CNTNAP2: variants seen among roughly 807,000 people sequenced by gnomAD.
The protein encoded by CNTNAP2 is contactin-associated protein-like 2.
In CNTNAP2, 98 loss-of-function variants were observed where a neutral mutation model predicts 155.2. The observed-to-expected ratio is 0.63, with a 90% CI of 0.54 to 0.75. The LOEUF is 0.75. Among genes scored for constraint, CNTNAP2 ranks in the 30% least tolerant of loss-of-function variants. The pLI is 0.00. For missense variants in CNTNAP2, 1,727 were observed against 1,688.1 expected (o/e 1.02, Z -0.40); for synonymous variants, 651 against 631.2 (o/e 1.03, Z -0.47).
intron 1 of CNTNAP2, among the ~76,000 whole-genome samples, chr7:146,335,823 A>G (rs1801264540): frequency 1.3e-5 from 2 of 152,134 alleles, no homozygotes; most frequent in Non-Finnish European, 2.9e-5. Flanking sequence ...TACTTATACA[A>G]TGTTATTTAG....
intron 18 of CNTNAP2, among the ~76,000 whole-genome samples, chr7:148,202,493 T>C (rs989743575): frequency 9.9e-5 from 15 of 152,228 alleles, no homozygotes; most frequent in African/African-American, 2.7e-4. Context: ...TTTGCAAGTA[T>C]TTTTAATTTA....
intron 11 of CNTNAP2, among the ~76,000 whole-genome samples, chr7:147,535,120 C>T (rs1030012752): frequency 7.9e-5 from 12 of 152,116 alleles, no homozygotes; most frequent in Admixed American, 2.0e-4. Context: ...AGGCCGGGCG[C>T]GGTGGTTCAT....
chr7:147,227,551 C>T (rs1803576454), intron 8 of CNTNAP2, among the ~76,000 whole-genome samples: 2 of 152,118 alleles, frequency 1.3e-5, no homozygotes, highest in Admixed American at 1.3e-4. Flanking sequence ...TGGTTGGACT[C>T]TGAATACGAC....
chr7:147,317,565 C>G (rs1012113471), intron 9 of CNTNAP2, among the ~76,000 whole-genome samples: 4 of 152,194 alleles, frequency 2.6e-5, no homozygotes, highest in African/African-American at 9.7e-5. Context: ...GTTCTTCAGC[C>G]TAAGATGACT....
In CNTNAP2 at chr7:147,311,537, G is replaced by C. The variant is rs182250230; in HGVS notation, c.1498+11247G>C. Among the ~76,000 whole-genome samples, 14 of 152,266 alleles carry C rather than the reference G, an allele frequency of 9.2e-5. No homozygotes were observed. The East Asian group carries it at 2.5e-3, about 27-fold the overall frequency. On this transcript the variant is annotated intron_variant, in intron 9 of 23. Coordinates refer to ENST00000361727, the MANE Select transcript of CNTNAP2 (RefSeq NM_014141.6). ...TGGCCTCAGCTGGTAAGCATCTGTG[G>C]ACCCTATTTAGAGCAGCCAACTCTG...
In CNTNAP2 at chr7:146,678,628, T is replaced by C. The variant is rs146549175; in HGVS notation, c.98-95643T>C. Among the ~76,000 whole-genome samples, 94 of 152,298 alleles carry C rather than the reference T, an allele frequency of 6.2e-4. 1 individual carries two copies. The East Asian group carries it at 0.017, about 28-fold the overall frequency. On this transcript the variant is annotated intron_variant, in intron 1 of 23. Transcript: ENST00000361727. ...TTTATATTAGTAAGTCACAAATTAA[T>C]GCTTATGGACTTTTCAAAAGTTTAT...
At chr7:147,008,383 T>C (rs997401046) in intron 3 of CNTNAP2, among the ~76,000 whole-genome samples, 1 of 152,124 alleles carries the variant, frequency 6.6e-6, no homozygotes, top group Non-Finnish European at 1.5e-5. Flanking sequence ...GTGATTCATT[T>C]TCAAAATTTA....
In CNTNAP2 at chr7:148,134,858, A is replaced by G. The variant is rs146380639; in HGVS notation, c.2555-12633A>G. On this transcript the variant is annotated intron_variant, in intron 16 of 23. Coordinates refer to ENST00000361727, the MANE Select transcript of CNTNAP2 (RefSeq NM_014141.6). Reference sequence around the variant, plus strand: ...AAAACAAAAATTCAGCTATAATCCCATATTCCAATATATTTAAATTATCAT... The same window carrying G: ...AAAACAAAAATTCAGCTATAATCCCGTATTCCAATATATTTAAATTATCAT... Among the ~76,000 whole-genome samples, 1,435 of 152,306 alleles carry G rather than the reference A, an allele frequency of 9.4e-3. 10 individuals carry two copies. Among genetic ancestry groups the G allele is most frequent in the Middle Eastern group, 0.017 (5 of 294 alleles).
chr7:146,355,541 G>A (rs1794985241), intron 1 of CNTNAP2, among the ~76,000 whole-genome samples: 2 of 152,152 alleles, frequency 1.3e-5, no homozygotes, highest in Non-Finnish European at 2.9e-5. Flanking sequence ...TATTTGTCCT[G>A]CATTGTGACA....
intron 11 of CNTNAP2, among the ~76,000 whole-genome samples, chr7:147,506,253 G>T (rs895994293): frequency 6.6e-6 from 1 of 152,046 alleles, no homozygotes; most frequent in African/African-American, 2.4e-5. Flanking sequence ...TTGTTTGTTT[G>T]TTCTGTTTGT....
intron 3 of CNTNAP2, among the ~76,000 whole-genome samples, chr7:147,000,027 C>T (rs1465493708): frequency 1.3e-5 from 2 of 151,764 alleles, no homozygotes; most frequent in Admixed American, 1.3e-4. Flanking sequence ...TTAAGGTTAT[C>T]CCAGAAATCC....
chr7:148,334,203 C>T (rs1349191994), intron 21 of CNTNAP2, among the ~76,000 whole-genome samples: 2 of 152,114 alleles, frequency 1.3e-5, no homozygotes, highest in Non-Finnish European at 2.9e-5. Flanking sequence ...GGAATTCAGG[C>T]ATGTCTGGGG....
chr7:147,315,111 C>T (rs200806712), intron 9 of CNTNAP2, among the ~76,000 whole-genome samples: 1 of 107,188 alleles, frequency 9.3e-6, no homozygotes, highest in African/African-American at 3.5e-5. Context: ...GGGTACTTTA[C>T]AAAAAAAAAA....
intron 1 of CNTNAP2, among the ~76,000 whole-genome samples, chr7:146,281,017 C>T (rs554296358): frequency 6.6e-6 from 1 of 152,244 alleles, no homozygotes; most frequent in African/African-American, 2.4e-5. Flanking sequence ...AAACCTTGGC[C>T]ATCTTGCTCC....
At chr7:146,436,404 T>A (rs1309197076) in intron 1 of CNTNAP2, among the ~76,000 whole-genome samples, 1 of 152,330 alleles carries the variant, frequency 6.6e-6, no homozygotes, top group Non-Finnish European at 1.5e-5. Flanking sequence ...ATTTTTCACA[T>A]GTATATTAGA....
At chr7:146,740,178 A>G (rs1282689073) in intron 1 of CNTNAP2, among the ~76,000 whole-genome samples, 2 of 151,520 alleles carry the variant, frequency 1.3e-5, no homozygotes, top group Non-Finnish European at 2.9e-5. Flanking sequence ...TATATTTTCA[A>G]ATAACCTGTC....
At chr7:146,842,025 G>A (rs1300690553) in intron 3 of CNTNAP2, among the ~76,000 whole-genome samples, 2 of 145,116 alleles carry the variant, frequency 1.4e-5, no homozygotes, top group Admixed American at 1.4e-4. Flanking sequence ...TGGGATTGCA[G>A]GCATCCACCA....
intron 1 of CNTNAP2, among the ~76,000 whole-genome samples, chr7:146,144,656 A>G (rs1268803784): frequency 1.3e-5 from 2 of 152,100 alleles, no homozygotes; most frequent in Non-Finnish European, 2.9e-5. Flanking sequence ...AGACTATGTC[A>G]TTCTAGAACT....
chr7:146,978,880 T>C (rs1797961783), intron 3 of CNTNAP2, among the ~76,000 whole-genome samples: 1 of 152,136 alleles, frequency 6.6e-6, no homozygotes, highest in Non-Finnish European at 1.5e-5. Flanking sequence ...TAAGTTCTAC[T>C]GTAGTATTAA....
Sources: allele counts gnomAD v4.1 joint callset (sites outside exome capture counted in the v4.1 genomes callset), GRCh38; gene constraint gnomAD v4.1.1; transcripts MANE v1.5; gene names NCBI Gene and HGNC (gene_info 2026-07-23, HGNC 2026-07-21).